Variants in TOX observed in about 807,000 individuals in gnomAD.
TOX encodes thymocyte selection associated high mobility group box, also known as thymocyte selection-associated high mobility group box protein TOX.
A neutral mutation model predicts 53.7 loss-of-function variants in TOX; 11 were observed. The ratio of observed to expected loss-of-function variants is 0.20; its 90% CI spans 0.13 to 0.34. TOX has a LOEUF of 0.34. Ranked by LOEUF, TOX falls within the 10% of genes least tolerant of loss-of-function variation. The pLI is 1.00. For missense variants in TOX, 570 were observed against 664.6 expected (o/e 0.86, Z 1.56); for synonymous variants, 225 against 245.3 (o/e 0.92, Z 0.77).
rs1346414609 is a variant in TOX, at chr8:59,019,015, G to C, written c.103-59007C>G. Among the ~76,000 whole-genome samples, 3 of 151,928 alleles carry C rather than the reference G, an allele frequency of 2.0e-5. No homozygotes were observed. The South Asian group carries it at 6.2e-4, about 32-fold the overall frequency. On this transcript the variant is annotated intron_variant, in intron 1 of 8. Coordinates refer to ENST00000361421, the MANE Select transcript of TOX (RefSeq NM_014729.3). ...CCTTGTAGCCTGGGTAATCACTATT[G>C]TTATCCCATTTTAGTTTCTGAGTAT...
intron 4 of TOX, among the ~76,000 whole-genome samples, chr8:58,845,087 T>C (rs577336072): frequency 2.1e-4 from 32 of 152,196 alleles, no homozygotes; most frequent in African/African-American, 7.2e-4. Context: ...GTTAAGACTA[T>C]CAAAGAAAGA....
intron 1 of TOX, among the ~76,000 whole-genome samples, chr8:59,003,241 C>T (rs13268239): frequency 2.5e-3 from 388 of 152,168 alleles, no homozygotes; most frequent in Non-Finnish European, 3.5e-3. Flanking sequence ...ACAACTTGCG[C>T]GGTATTATTT....
At chr8:59,006,437 G>A (rs1450540297) in intron 1 of TOX, among the ~76,000 whole-genome samples, 1 of 152,128 alleles carries the variant, frequency 6.6e-6, no homozygotes, top group Non-Finnish European at 1.5e-5. Flanking sequence ...TTTGCACTGG[G>A]GAAGGAAGAG....
intron 1 of TOX, among the ~76,000 whole-genome samples, chr8:59,109,667 A>T (rs931753922): frequency 6.6e-6 from 1 of 152,154 alleles, no homozygotes; most frequent in African/African-American, 2.4e-5. Flanking sequence ...TAGGCAAATT[A>T]TCTCTTATTG....
At chr8:59,021,499 T>TATACATATATATATATACAC (rs1554539851) in intron 1 of TOX, among the ~76,000 whole-genome samples, 1 of 109,642 alleles carries the variant, frequency 9.1e-6, no homozygotes, top group Non-Finnish European at 2.0e-5. Context: ...TATATATATA[T>TATACATATATATATATACAC]GCACATATAT....
intron 1 of TOX, among the ~76,000 whole-genome samples, chr8:58,960,753 G>T (rs1038773945): frequency 6.6e-6 from 1 of 152,316 alleles, no homozygotes; most frequent in Non-Finnish European, 1.5e-5. Flanking sequence ...AATAGTTCAA[G>T]CAACAACAAC....
At chr8:59,023,856 G>GACAA (rs1814185406) in intron 1 of TOX, among the ~76,000 whole-genome samples, 2 of 152,216 alleles carry the variant, frequency 1.3e-5, no homozygotes, top group Admixed American at 6.5e-5. Context: ...GCTTGAGCTT[G>GACAA]AAAAAGGAAA....
At chr8:58,894,237 A>G (rs1811603797) in intron 3 of TOX, among the ~76,000 whole-genome samples, 1 of 152,186 alleles carries the variant, frequency 6.6e-6, no homozygotes, top group Admixed American at 6.5e-5. Context: ...TGCTGATTGC[A>G]CACCCTGCTA....
At chr8:58,905,022 T>A (rs1811789449) in intron 3 of TOX, among the ~76,000 whole-genome samples, 1 of 152,178 alleles carries the variant, frequency 6.6e-6, no homozygotes, top group African/African-American at 2.4e-5. Flanking sequence ...AAGCTCCACC[T>A]CCCAGGTTCA....
intron 1 of TOX, among the ~76,000 whole-genome samples, chr8:59,039,515 C>T (rs894572626): frequency 1.3e-5 from 2 of 152,182 alleles, no homozygotes; most frequent in Non-Finnish European, 2.9e-5. Context: ...TTTACATCTT[C>T]ATTATTTCCC....
chr8:59,013,200 C>T (rs941243383), intron 1 of TOX, among the ~76,000 whole-genome samples: 6 of 152,108 alleles, frequency 3.9e-5, no homozygotes, highest in African/African-American at 1.2e-4. Flanking sequence ...ATTACATCCC[C>T]GGTTCCTGGA....
chr8:59,026,852 G>A (rs1235029186), intron 1 of TOX, among the ~76,000 whole-genome samples: 1 of 145,138 alleles, frequency 6.9e-6, no homozygotes, highest in Admixed American at 7.0e-5. Context: ...AAGAGCATGA[G>A]ACAATTTAAT....
intron 3 of TOX, among the ~76,000 whole-genome samples, chr8:58,910,556 G>T (rs1563386869): frequency 1.3e-5 from 2 of 152,122 alleles, no homozygotes; most frequent in African/African-American, 4.8e-5. Context: ...TTTTGTTGGG[G>T]CATGTTGTGA....
chr8:58,896,029 T>C (rs1191961954), intron 3 of TOX, among the ~76,000 whole-genome samples: 1 of 152,222 alleles, frequency 6.6e-6, no homozygotes, highest in Admixed American at 6.5e-5. Context: ...TTAATAAATA[T>C]CAGACTTTTA....
intron 1 of TOX, among the ~76,000 whole-genome samples, chr8:59,017,124 ATCG>A (rs1814027602): frequency 6.6e-6 from 1 of 152,250 alleles, no homozygotes; most frequent in African/African-American, 2.4e-5. Flanking sequence ...CTGCGAGGAC[ATCG>A]TCTAGCTTAT....
At chr8:58,914,691 G>C (rs1477384085) in intron 3 of TOX, among the ~76,000 whole-genome samples, 2 of 152,154 alleles carry the variant, frequency 1.3e-5, no homozygotes, top group Non-Finnish European at 2.9e-5. Context: ...AGAATCTCTG[G>C]GGAGGAGCCA....
At chr8:58,858,156 G>C (rs1212114374) in intron 3 of TOX, among the ~76,000 whole-genome samples, 3 of 151,996 alleles carry the variant, frequency 2.0e-5, no homozygotes, top group Non-Finnish European at 4.4e-5. Flanking sequence ...GTAAGATTTT[G>C]GTGTAACTGG....
intron 4 of TOX, among the ~76,000 whole-genome samples, chr8:58,845,999 C>A (rs1248215451): frequency 1.3e-5 from 2 of 151,918 alleles, no homozygotes; most frequent in African/African-American, 2.4e-5. Context: ...AGGTGGGGAC[C>A]CGCTGAATAA....
intron 2 of TOX, among the ~76,000 whole-genome samples, chr8:58,948,838 A>T (rs1161786309): frequency 6.7e-6 from 1 of 150,274 alleles, no homozygotes; most frequent in African/African-American, 2.5e-5. Flanking sequence ...ATTAGAAAAT[A>T]TACATAGGAA....
Sources: allele counts gnomAD v4.1 joint callset (sites outside exome capture counted in the v4.1 genomes callset), GRCh38; gene constraint gnomAD v4.1.1; transcripts MANE v1.5; gene names NCBI Gene and HGNC (gene_info 2026-07-23, HGNC 2026-07-21).